Variants in BRF1 observed in about 807,000 individuals in gnomAD.
BRF1 encodes transcription factor IIIB 90 kDa subunit.
A neutral mutation model predicts 81.7 loss-of-function variants in BRF1; 59 were observed. The ratio of observed to expected loss-of-function variants is 0.72; its 90% CI spans 0.59 to 0.90. The LOEUF (loss-of-function observed/expected upper bound fraction) is 0.90. Among genes scored for constraint, BRF1 ranks in the 40% least tolerant of loss-of-function variants. BRF1 has a pLI of 0.00. For synonymous variants in BRF1, 491 were observed against 395.6 expected, an observed-to-expected ratio of 1.24 and a Z score of -2.86; for missense variants, 1,050 against 936.3, an observed-to-expected ratio of 1.12 and a Z score of -1.58.
chr14:105,267,396 T>C lies in BRF1; in HGVS notation c.439+5325A>G, dbSNP rs192723519. Among the ~76,000 whole-genome samples, 132 of 151,910 alleles carry C rather than the reference T, an allele frequency of 8.7e-4. 2 individuals carry two copies. The Middle Eastern group carries it at 0.017, about 20-fold the overall frequency. ...ATGGCTCACTGCAGCCTCGACCTCCTGGGTTCAAGCGATCCTCCCACCTCA... is the reference window on the plus strand; with the variant it reads ...ATGGCTCACTGCAGCCTCGACCTCCCGGGTTCAAGCGATCCTCCCACCTCA... On this transcript the variant is annotated intron_variant, in intron 3 of 17. Coordinates refer to ENST00000547530, the MANE Select transcript of BRF1 (RefSeq NM_001519.4).
At chr14:105,286,186 A>AAGTG in intron 2 of BRF1, 110 bp downstream of exon 2, 1 of 1,212,540 alleles carries the variant, frequency 8.2e-7, no homozygotes, top group Non-Finnish European at 1.2e-6. Context: ...GGTGACGAGG[A>AAGTG]AGTGGCAGGC....
chr14:105,261,231 G>A (rs756865408), intron 3 of BRF1, among the ~76,000 whole-genome samples: 1 of 152,232 alleles, frequency 6.6e-6, no homozygotes, highest in African/African-American at 2.4e-5. Flanking sequence ...AGAGACGCGG[G>A]AGCACAATAG....
At chr14:105,248,497 G>T (rs2140272583) in intron 5 of BRF1, 1 of 983,622 alleles carries the variant, frequency 1.0e-6, no homozygotes, top group Non-Finnish European at 1.2e-6. Flanking sequence ...GGGCGGGGCC[G>T]CGAGGCAGCG....
At chr14:105,305,138 C>T (rs1190459907), upstream of BRF1, among the ~76,000 whole-genome samples, 2 of 152,148 alleles carry the variant, frequency 1.3e-5, no homozygotes, top group African/African-American at 2.4e-5. Flanking sequence ...CAGTGGCTCA[C>T]ATCTGTGATC....
chr14:105,259,901 A>G (rs2056065270), intron 3 of BRF1, among the ~76,000 whole-genome samples: 1 of 152,080 alleles, frequency 6.6e-6, no homozygotes, highest in Non-Finnish European at 1.5e-5. Flanking sequence ...ACAGAGCTAC[A>G]TTCTGTCACC....
At chr14:105,217,210 G>A in intron 15 of BRF1, 1 of 451,730 alleles carries the variant, frequency 2.2e-6, no homozygotes, top group South Asian at 2.8e-5. Flanking sequence ...AGGGCGGCAG[G>A]GCTGGGGACT....
chr14:105,224,021 G>A (rs1892708485), intron 10 of BRF1, among the ~76,000 whole-genome samples: 1 of 152,184 alleles, frequency 6.6e-6, no homozygotes, highest in Admixed American at 6.5e-5. Context: ...GTAAGCCAAT[G>A]AGAATTCCCA....
chr14:105,286,245 C>T (rs1263579307), intron 2 of BRF1, 51 bp downstream of exon 2: 1 of 1,560,270 alleles, frequency 6.4e-7, no homozygotes, highest in South Asian at 1.2e-5. Context: ...CACCACCATC[C>T]CCATCTCTGG....
In BRF1 at chr14:105,209,951, G is replaced by C. The variant is rs762458019; in HGVS notation, c.*600C>G. The C allele has an allele frequency of 6.1e-6, 2 of 329,092 alleles. No individual in the cohort carries two copies. The highest frequency in any genetic ancestry group is 1.1e-5 in the Non-Finnish European group (2 of 181,260). The allele number at this position is 329,092 out of a possible 1,614,324, so 20.4% of individuals were successfully genotyped here. A position where few individuals can be genotyped will look rare whatever the true frequency, so the allele number is the denominator to read the frequency against. ...AGGCAGGGGTGGGGGTGTCTGCCTC[G>C]GACGAGGCAGGTATCTGGATGCAGG... On this transcript the variant is annotated 3_prime_UTR_variant, in exon 18 of 18. Transcript: ENST00000547530.
intron 6 of BRF1, among the ~76,000 whole-genome samples, chr14:105,240,972 G>C (rs587728551): frequency 1.9e-4 from 29 of 152,252 alleles, no homozygotes; most frequent in Non-Finnish European, 3.2e-4. Context: ...ACGAGACCAC[G>C]GGCAGGGATG....
At chr14:105,222,514 CA>C (rs1316428266) in intron 10 of BRF1, 1 of 152,486 alleles carries the variant, frequency 6.6e-6, no homozygotes, top group Non-Finnish European at 1.5e-5. Context: ...TCCTCCTTCA[CA>C]ACCATCAGAA....
intron 5 of BRF1, chr14:105,247,670 C>CA: frequency 1.0e-6 from 1 of 985,432 alleles, no homozygotes; most frequent in South Asian, 4.7e-5. Flanking sequence ...TGGCTGCGTC[C>CA]TGTGGGGTTT....
At chr14:105,311,240 C>T (rs1294568430) in intron 1 of BRF1, among the ~76,000 whole-genome samples, 1 of 152,094 alleles carries the variant, frequency 6.6e-6, no homozygotes, top group Non-Finnish European at 1.5e-5. Flanking sequence ...AGGCATGAGC[C>T]ACTGTGCCCG....
At chr14:105,306,398 G>A (rs1370535245) in intron 1 of BRF1, among the ~76,000 whole-genome samples, 1 of 152,190 alleles carries the variant, frequency 6.6e-6, no homozygotes, top group East Asian at 1.9e-4. Context: ...CTGCCTCCCA[G>A]GTTCAAGCGA....
At chr14:105,304,742 A>G (rs1331098949), upstream of BRF1, among the ~76,000 whole-genome samples, 1 of 152,258 alleles carries the variant, frequency 6.6e-6, no homozygotes, top group African/African-American at 2.4e-5. Context: ...CCTCACAATC[A>G]TGGAGGAAGG....
chr14:105,299,098 G>T (rs2057871329), intron 1 of BRF1, among the ~76,000 whole-genome samples: 1 of 151,828 alleles, frequency 6.6e-6, no homozygotes, highest in Admixed American at 6.6e-5. Flanking sequence ...GCGTGAGCCT[G>T]GGAGGCAGAG....
At chr14:105,226,328 G>A in intron 8 of BRF1, 38 bp from the exon 9 acceptor site, 2 of 1,613,644 alleles carry the variant, frequency 1.2e-6, no homozygotes, top group Non-Finnish European at 1.7e-6. Flanking sequence ...GTGAAGGGAG[G>A]CCCTGGTGCA....
chr14:105,241,549 C>G (rs1009847245), intron 5 of BRF1, 135 bp from the exon 6 acceptor site: 4 of 1,158,410 alleles, frequency 3.5e-6, no homozygotes, highest in Non-Finnish European at 4.9e-6. Context: ...TTCCCCTCCC[C>G]TGGACAAAGC....
At chr14:105,226,340 A>T (rs1338894890) in intron 8 of BRF1, 50 bp from the exon 9 acceptor site, 2 of 1,612,662 alleles carry the variant, frequency 1.2e-6, no homozygotes, top group South Asian at 1.1e-5. Flanking sequence ...CCTGGTGCAC[A>T]GCGCAGCCTC....
Sources: gnomAD v4.1 joint callset for allele counts (sites outside exome capture counted in the v4.1 genomes callset) on GRCh38, gnomAD v4.1.1 for gene constraint, MANE v1.5 for transcripts, NCBI Gene and HGNC (gene_info 2026-07-23, HGNC 2026-07-21) for gene names.